The following OSBPL3 variants were observed in gnomAD, a reference collection of about 807,000 sequenced individuals.
The protein encoded by OSBPL3 is oxysterol-binding protein-related protein 3.
A neutral mutation model predicts 120.1 loss-of-function variants in OSBPL3; 65 were observed. The ratio of observed to expected loss-of-function variants is 0.54; its 90% CI spans 0.44 to 0.67. OSBPL3 has a LOEUF of 0.67. Ranked by LOEUF, OSBPL3 falls within the 30% of genes least tolerant of loss-of-function variation. The probability of loss-of-function intolerance (pLI) is 0.00; values close to 1 mark genes in which losing one functional copy is unlikely to be tolerated. For synonymous variants in OSBPL3, 416 were observed against 402.6 expected, an observed-to-expected ratio of 1.03 and a Z score of -0.40; for missense variants, 1,004 against 1,082.1, an observed-to-expected ratio of 0.93 and a Z score of 1.01.
At chr7:24,924,933 C>T (rs779257871) in intron 1 of OSBPL3, among the ~76,000 whole-genome samples, 31 of 152,176 alleles carry the variant, frequency 2.0e-4, no homozygotes, top group Non-Finnish European at 3.2e-4. Context: ...ATAGCTGTTA[C>T]CCTTTTTCAT....
At chr7:24,945,566 T>C (rs1258342725) in intron 1 of OSBPL3, among the ~76,000 whole-genome samples, 1 of 152,218 alleles carries the variant, frequency 6.6e-6, no homozygotes, top group East Asian at 1.9e-4. Context: ...TTGAACACAA[T>C]GATTCCAAAT....
Position 24,941,048 on chromosome 7 carries a change from T to C in OSBPL3, c.-150+38838A>G, listed in dbSNP as rs1813046488. Among the ~76,000 whole-genome samples the C allele has an allele frequency of 2.6e-5, 4 of 152,190 alleles. 1 individual carries two copies. In the South Asian group the frequency reaches 8.3e-4, roughly 31 times the overall value. On this transcript the variant is annotated intron_variant, in intron 1 of 22. Coordinates refer to ENST00000313367, the MANE Select transcript of OSBPL3 (RefSeq NM_015550.4). ...GTTAGCCAGGATTGTCTCGATCTCC[T>C]GACCTTGTGATCCACCTGCCTTGGC...
intron 6 of OSBPL3, 42 bp from the exon 7 acceptor site, chr7:24,865,507 A>C: frequency 6.2e-7 from 1 of 1,601,872 alleles, no homozygotes; most frequent in South Asian, 1.1e-5. Context: ...ATGGAAACAG[A>C]GCCCATTGGG....
chr7:24,948,935 G>A (rs10951036), intron 1 of OSBPL3, among the ~76,000 whole-genome samples: 62,551 of 151,978 alleles, frequency 0.41, 13,687 homozygotes, highest in Non-Finnish European at 0.5. Context: ...TTTCCAGGAG[G>A]AGGTTTTAGA....
At position 24,803,804 on chromosome 7, in the gene OSBPL3, A is replaced by C. The variant is rs1354290286; in HGVS notation, c.2567+511T>G. Among the ~76,000 whole-genome samples the C allele has an allele frequency of 1.3e-5, 2 of 152,058 alleles. No homozygotes were observed. The highest frequency in any genetic ancestry group is 2.4e-5 in the African/African-American group (1 of 41,414). On this transcript the variant is annotated intron_variant, in intron 22 of 22. Transcript: ENST00000313367. This position sits in a 1 kb window ranked among gnomAD's most constrained non-coding sequence, Gnocchi z 4.2. The stretch of plus-strand genomic sequence containing the variant: ...AAAAAATTATATCTATTTTAACAAG[A>C]CCTTCTTGGCAAGTTATTTTAAAGA...
At chr7:24,926,923 T>C (rs1449214289) in intron 1 of OSBPL3, among the ~76,000 whole-genome samples, 1 of 152,242 alleles carries the variant, frequency 6.6e-6, no homozygotes, top group African/African-American at 2.4e-5. Context: ...AAAACCAATG[T>C]AGTCAATGTT....
chr7:24,797,650 C>G lies in OSBPL3; in HGVS notation c.*2533G>C, dbSNP rs1171894961. 1 of 151,960 alleles carries G rather than the reference C, an allele frequency of 6.6e-6. No homozygotes were observed. The highest frequency in any genetic ancestry group is 1.5e-5 in the Non-Finnish European group (1 of 68,022). 9.4% of individuals were successfully genotyped at this position (151,960 alleles called of 1,614,324 possible). A position where few individuals can be genotyped will look rare whatever the true frequency, so the allele number is the denominator to read the frequency against. ...TCGACAGCTGTGACAGGAACATTACCTGAAGTGCAGGGTGGTTACCTGCAC... is the reference window on the plus strand; with the variant it reads ...TCGACAGCTGTGACAGGAACATTACGTGAAGTGCAGGGTGGTTACCTGCAC... On this transcript the variant is annotated 3_prime_UTR_variant, in exon 23 of 23. Transcript: ENST00000313367. The surrounding 1 kb of genome is among the most constrained non-coding windows in gnomAD (Gnocchi z 4.8).
chr7:24,868,714 C>T (rs936736676), intron 5 of OSBPL3, among the ~76,000 whole-genome samples: 8 of 152,176 alleles, frequency 5.3e-5, no homozygotes, highest in African/African-American at 1.9e-4. Context: ...TACAAACAGA[C>T]TCACACCTAT....
chr7:24,853,171 A>G (rs539709612), intron 10 of OSBPL3, among the ~76,000 whole-genome samples: 1 of 149,272 alleles, frequency 6.7e-6, no homozygotes, highest in East Asian at 1.9e-4. Flanking sequence ...CAAAGACTGG[A>G]AAGGGTTAAA....
At chr7:24,978,582 C>A (rs1355137793) in intron 1 of OSBPL3, among the ~76,000 whole-genome samples, 3 of 152,188 alleles carry the variant, frequency 2.0e-5, no homozygotes, top group Non-Finnish European at 4.4e-5. Context: ...CTTGACTGAT[C>A]TCCTTTAGCC....
chr7:24,971,957 A>G (rs1817074769), intron 1 of OSBPL3, among the ~76,000 whole-genome samples: 1 of 152,114 alleles, frequency 6.6e-6, no homozygotes, highest in Non-Finnish European at 1.5e-5. Context: ...GCAGCCCTAC[A>G]CCTGAGAAAA....
intron 15 of OSBPL3, among the ~76,000 whole-genome samples, chr7:24,832,640 G>C (rs1411661164): frequency 6.6e-6 from 1 of 152,094 alleles, no homozygotes; most frequent in Non-Finnish European, 1.5e-5. Context: ...GGTGACCTGT[G>C]AAACAGTACA....
chr7:24,911,977 T>C (rs2128420164), intron 1 of OSBPL3, among the ~76,000 whole-genome samples: 1 of 152,330 alleles, frequency 6.6e-6, no homozygotes, highest in Non-Finnish European at 1.5e-5. Context: ...AATGACATGG[T>C]TATTTTATTC....
intron 1 of OSBPL3, among the ~76,000 whole-genome samples, chr7:24,935,382 G>A (rs1281881888): frequency 6.6e-6 from 1 of 152,078 alleles, no homozygotes; most frequent in East Asian, 1.9e-4. Flanking sequence ...ATTTTTACAT[G>A]TACTCACTTT....
At chr7:24,857,785 C>G (rs530227183) in intron 10 of OSBPL3, among the ~76,000 whole-genome samples, 2 of 152,246 alleles carry the variant, frequency 1.3e-5, no homozygotes, top group East Asian at 3.9e-4. Flanking sequence ...TTAAACAAAG[C>G]CAACAGATTT....
At chr7:24,888,596 A>G (rs1345965947) in intron 2 of OSBPL3, among the ~76,000 whole-genome samples, 2 of 152,196 alleles carry the variant, frequency 1.3e-5, no homozygotes, top group African/African-American at 2.4e-5. Context: ...TAGGGTTTTC[A>G]TGGCCCTAAG....
At position 24,798,585 on chromosome 7, in the gene OSBPL3, G is replaced by A. The variant is rs915290419; in HGVS notation, c.*1598C>T. The A allele has an allele frequency of 9.9e-5, 15 of 152,178 alleles. No homozygotes were observed. The highest frequency in any genetic ancestry group is 1.9e-4 in the African/African-American group (8 of 41,438). 9.4% of individuals were successfully genotyped at this position (152,178 alleles called of 1,614,324 possible). A position where few individuals can be genotyped will look rare whatever the true frequency, so the allele number is the denominator to read the frequency against. On this transcript the variant is annotated 3_prime_UTR_variant, in exon 23 of 23. Transcript: ENST00000313367. The surrounding 1 kb of genome is among the most constrained non-coding windows in gnomAD (Gnocchi z 4.6). ...TGAGTTGTTTTAAAATGCCAGTCAC[G>A]TGCAGATTCCAGAAGGCTACACATC...
In OSBPL3 at chr7:24,946,967, A is replaced by G. The variant is rs551209568; in HGVS notation, c.-150+32919T>C. Among the ~76,000 whole-genome samples the G allele has an allele frequency of 6.6e-6, 1 of 152,340 alleles. No individual in the cohort carries two copies. The highest frequency in any genetic ancestry group is 2.1e-4 in the South Asian group (1 of 4,824). On this transcript the variant is annotated intron_variant, in intron 1 of 22. Coordinates refer to ENST00000313367, the MANE Select transcript of OSBPL3 (RefSeq NM_015550.4). This position sits in a 1 kb window ranked among gnomAD's most constrained non-coding sequence, Gnocchi z 4.3. Reference sequence around the variant, plus strand: ...CTGTTTGGCTTGTGCTCAAAACGAAAAGGATAAGCATTATTGTTCATTATT... The same window carrying G: ...CTGTTTGGCTTGTGCTCAAAACGAAGAGGATAAGCATTATTGTTCATTATT...
rs1488030490 is a variant in OSBPL3, at chr7:24,964,092, G to C, written c.-150+15794C>G. On this transcript the variant is annotated intron_variant, in intron 1 of 22. Transcript: ENST00000313367. This position sits in a 1 kb window ranked among gnomAD's most constrained non-coding sequence, Gnocchi z 4.2. The stretch of plus-strand genomic sequence containing the variant: ...TCCAAAGTATATAATAAATATCAAT[G>C]GATCCACACTGATTAAAAAAAACTG... Among the ~76,000 whole-genome samples, 1 of 151,676 alleles carries C rather than the reference G, an allele frequency of 6.6e-6. No individual in the cohort carries two copies. The highest frequency in any genetic ancestry group is 1.5e-5 in the Non-Finnish European group (1 of 67,900).
Sources: gnomAD v4.1 joint callset for allele counts (sites outside exome capture counted in the v4.1 genomes callset) on GRCh38, gnomAD v4.1.1 for gene constraint, Gnocchi (gnomAD v3.1) non-coding constraint, MANE v1.5 for transcripts, NCBI Gene and HGNC (gene_info 2026-07-23, HGNC 2026-07-21) for gene names.